The following LRRC4C variants were observed in gnomAD, a reference collection of about 807,000 sequenced individuals.
LRRC4C encodes the protein leucine-rich repeat-containing protein 4C.
In LRRC4C, 5 loss-of-function variants were observed where a neutral mutation model predicts 33.6. The ratio of observed to expected loss-of-function variants is 0.15; its 90% CI spans 0.08 to 0.31. The LOEUF (loss-of-function observed/expected upper bound fraction) is 0.31, where lower values mean the gene tolerates loss of function less well. Ranked by LOEUF, LRRC4C falls within the 10% of genes least tolerant of loss-of-function variation. The probability of loss-of-function intolerance (pLI) is 1.00; values close to 1 mark genes in which losing one functional copy is unlikely to be tolerated. For synonymous variants in LRRC4C, 329 were observed against 302.0 expected (o/e 1.09, Z -0.93); for missense variants, 560 against 796.7 (o/e 0.70, Z 3.58).
At chr11:40,780,101 G>C (rs1950158811) in intron 2 of LRRC4C, among the ~76,000 whole-genome samples, 1 of 152,154 alleles carries the variant, frequency 6.6e-6, no homozygotes, top group Non-Finnish European at 1.5e-5. Flanking sequence ...CTAGTATGCT[G>C]ACACTGAAAA....
At chr11:41,021,472 C>T in intron 1 of LRRC4C, among the ~76,000 whole-genome samples, 1 of 151,996 alleles carries the variant, frequency 6.6e-6, no homozygotes, top group East Asian at 1.9e-4. Flanking sequence ...AAGATATATA[C>T]TAAACCCTAA....
At chr11:41,069,244 A>C (rs1269073189) in intron 1 of LRRC4C, among the ~76,000 whole-genome samples, 1 of 152,344 alleles carries the variant, frequency 6.6e-6, no homozygotes, top group East Asian at 1.9e-4. Context: ...AACTCTCAAT[A>C]AACTAGGTAT....
At chr11:40,877,429 G>A (rs946781311) in intron 2 of LRRC4C, among the ~76,000 whole-genome samples, 1 of 152,090 alleles carries the variant, frequency 6.6e-6, no homozygotes, top group African/African-American at 2.4e-5. Flanking sequence ...TTGCCTCGTT[G>A]TCAACATCAG....
At chr11:40,202,286 CA>C (rs1862817919) in intron 5 of LRRC4C, among the ~76,000 whole-genome samples, 1 of 146,612 alleles carries the variant, frequency 6.8e-6, no homozygotes, top group Non-Finnish European at 1.5e-5. Flanking sequence ...CCAAAGTAGG[CA>C]GGTTTTTTTT....
At chr11:41,211,282 A>C (rs1310514663) in intron 1 of LRRC4C, among the ~76,000 whole-genome samples, 1 of 152,256 alleles carries the variant, frequency 6.6e-6, no homozygotes, top group African/African-American at 2.4e-5. Flanking sequence ...GAATCCATAC[A>C]ATCTCCCCAA....
intron 1 of LRRC4C, among the ~76,000 whole-genome samples, chr11:41,277,318 A>T (rs1400215508): frequency 6.6e-6 from 1 of 152,194 alleles, no homozygotes; most frequent in Non-Finnish European, 1.5e-5. Flanking sequence ...ATCTTCTGAT[A>T]AACTGAATAT....
intron 3 of LRRC4C, among the ~76,000 whole-genome samples, chr11:40,512,813 G>A (rs191636683): frequency 1.1e-3 from 164 of 152,248 alleles, no homozygotes; most frequent in African/African-American, 3.5e-3. Flanking sequence ...ATCATTGGGA[G>A]TCGACACTTT....
chr11:40,428,995 G>T (rs1950814766), intron 3 of LRRC4C, among the ~76,000 whole-genome samples: 1 of 152,150 alleles, frequency 6.6e-6, no homozygotes, highest in Non-Finnish European at 1.5e-5. Flanking sequence ...TTAAATAATT[G>T]TTGGAAAATT....
intron 1 of LRRC4C, among the ~76,000 whole-genome samples, chr11:41,228,393 A>T (rs529532879): frequency 1.3e-5 from 2 of 152,238 alleles, no homozygotes; most frequent in South Asian, 4.2e-4. Context: ...GTAGAATTTT[A>T]GGTAAACAAT....
In LRRC4C at chr11:40,116,220, G is replaced by A; in HGVS notation, c.73C>T (p.Pro25Ser). Residue 25 changes from proline to serine, a missense_variant, in exon 7 of 7, where the codon CCC (proline) becomes TCC (serine). Pro to Ser is a moderately conservative substitution (Grantham distance 74). Transcript: ENST00000528697. Reference protein sequence around the residue: ...GPRFNRALFDPLLVVLLALQL... With the variant: ...GPRFNRALFDSLLVVLLALQL... The stretch of plus-strand genomic sequence containing the variant: ...AGAGCCAGCAGCACCACAAGCAGGG[G>A]GTCAAATAGGGCCCTGTTAAACCTA... The A allele has an allele frequency of 6.2e-7, 1 of 1,614,000 alleles. No individual in the cohort carries two copies. The highest frequency in any genetic ancestry group is 2.2e-5 in the East Asian group (1 of 44,844).
chr11:40,786,693 G>T (rs918118426), intron 2 of LRRC4C, among the ~76,000 whole-genome samples: 1 of 152,040 alleles, frequency 6.6e-6, no homozygotes, highest in Non-Finnish European at 1.5e-5. Context: ...TGTAACAAGG[G>T]TCAACAAGGA....
intron 5 of LRRC4C, among the ~76,000 whole-genome samples, chr11:40,169,746 T>C (rs1438376619): frequency 6.6e-6 from 1 of 152,198 alleles, no homozygotes; most frequent in Non-Finnish European, 1.5e-5. Context: ...CCAAGTCTAG[T>C]ATTCCACTTA....
chr11:40,648,815 T>A (rs1942618265), intron 2 of LRRC4C, among the ~76,000 whole-genome samples: 1 of 152,156 alleles, frequency 6.6e-6, no homozygotes. Context: ...TCTTTCTATT[T>A]CCCATAAGTG....
chr11:40,659,954 C>T (rs1032304697), intron 2 of LRRC4C, among the ~76,000 whole-genome samples: 3 of 152,190 alleles, frequency 2.0e-5, no homozygotes, highest in Admixed American at 2.0e-4. Flanking sequence ...TGAAACATAC[C>T]CCCCTGCTCA....
intron 2 of LRRC4C, among the ~76,000 whole-genome samples, chr11:40,814,052 A>C (rs572310805): frequency 6.6e-6 from 1 of 152,176 alleles, no homozygotes; most frequent in Admixed American, 6.6e-5. Flanking sequence ...GCAAGCTGTC[A>C]GTGGCCCTCT....
At chr11:41,188,078 C>T (rs780447171) in intron 1 of LRRC4C, among the ~76,000 whole-genome samples, 29 of 152,148 alleles carry the variant, frequency 1.9e-4, no homozygotes, top group Non-Finnish European at 2.1e-4. Flanking sequence ...CTCAGCAACA[C>T]CTATCCAGTT....
intron 3 of LRRC4C, among the ~76,000 whole-genome samples, chr11:40,333,525 T>C (rs1216200919): frequency 1.3e-5 from 2 of 151,936 alleles, no homozygotes; most frequent in Non-Finnish European, 2.9e-5. Flanking sequence ...GAGACCAGCA[T>C]GGCCAACATG....
chr11:41,046,606 A>C (rs1018314456), intron 1 of LRRC4C, among the ~76,000 whole-genome samples: 1 of 152,128 alleles, frequency 6.6e-6, no homozygotes, highest in African/African-American at 2.4e-5. Flanking sequence ...GTTATTTCTA[A>C]TTTTGTTTCA....
At chr11:41,066,478 G>A (rs1443977579) in intron 1 of LRRC4C, among the ~76,000 whole-genome samples, 1 of 152,190 alleles carries the variant, frequency 6.6e-6, no homozygotes, top group Non-Finnish European at 1.5e-5. Context: ...ATGGAACCAA[G>A]TTGAAAAACA....
Sources: allele counts gnomAD v4.1 joint callset (sites outside exome capture counted in the v4.1 genomes callset), GRCh38; gene constraint gnomAD v4.1.1; transcripts MANE v1.5; gene names NCBI Gene and HGNC (gene_info 2026-07-23, HGNC 2026-07-21).